The following UPRT variants were observed in gnomAD, a reference collection of about 807,000 sequenced individuals.
The protein encoded by UPRT is uracil phosphoribosyltransferase homolog.
UPRT carries 5 observed loss-of-function variants against 22.6 expected under a neutral mutation model. The observed-to-expected ratio is 0.22, with a 90% CI of 0.12 to 0.47. UPRT has a LOEUF of 0.47. Ranked by LOEUF, UPRT falls within the 20% of genes least tolerant of loss-of-function variation. The probability of loss-of-function intolerance (pLI) is 0.99; values close to 1 mark genes in which losing one functional copy is unlikely to be tolerated. For synonymous variants in UPRT, 77 were observed against 87.7 expected, an observed-to-expected ratio of 0.88 and a Z score of 0.68; for missense variants, 181 against 239.9, an observed-to-expected ratio of 0.75 and a Z score of 1.62.
chrX:75,193,869 C>T (rs1327312464), intron 4 of UPRT, among the ~76,000 whole-genome samples: 3 of 111,380 alleles, frequency 2.7e-5, no homozygotes, highest in African/African-American at 9.8e-5. Context: ...TTATTATAAT[C>T]CCTAGATTCC....
At chrX:75,245,389 C>T (rs185850863) in intron 4 of UPRT, among the ~76,000 whole-genome samples, 1 of 111,300 alleles carries the variant, frequency 9.0e-6, no homozygotes, top group East Asian at 2.8e-4. Flanking sequence ...TTGGTGAGTT[C>T]TCGAATAAGT....
At chrX:75,188,845 G>A (rs937795895) in intron 4 of UPRT, among the ~76,000 whole-genome samples, 10 of 111,753 alleles carry the variant, frequency 8.9e-5, no homozygotes, top group East Asian at 2.8e-4. Flanking sequence ...GACCCCCTTC[G>A]CTTCCCGAGT....
intron 4 of UPRT, among the ~76,000 whole-genome samples, chrX:75,251,871 C>T (rs1456587862): frequency 2.7e-5 from 3 of 110,436 alleles, no homozygotes; most frequent in Non-Finnish European, 5.7e-5. Context: ...GAGATATAGA[C>T]CAATGGAACA....
intron 4 of UPRT, among the ~76,000 whole-genome samples, chrX:75,264,793 T>C (rs1402863401): frequency 8.9e-6 from 1 of 112,049 alleles, no homozygotes; most frequent in Non-Finnish European, 1.9e-5. Context: ...CTCGATGGTC[T>C]CTACAGTTTG....
intron 4 of UPRT, among the ~76,000 whole-genome samples, chrX:75,205,839 G>A: frequency 9.0e-6 from 1 of 111,559 alleles, no homozygotes; most frequent in Non-Finnish European, 1.9e-5. Flanking sequence ...TACATAAGGG[G>A]GAGCAGATAC....
chrX:75,190,144 C>T (rs1278060493), intron 4 of UPRT, among the ~76,000 whole-genome samples: 1 of 111,934 alleles, frequency 8.9e-6, no homozygotes, highest in Non-Finnish European at 1.9e-5. Context: ...TTTAGTGCTT[C>T]CTTCAGGAGC....
intron 4 of UPRT, among the ~76,000 whole-genome samples, chrX:75,177,063 T>C (rs1172377955): frequency 9.0e-6 from 1 of 111,331 alleles, no homozygotes; most frequent in Non-Finnish European, 1.9e-5. Flanking sequence ...AAACCGCCCA[T>C]GGTTTTGGTT....
At chrX:75,249,126 C>T (rs1448804371) in intron 4 of UPRT, among the ~76,000 whole-genome samples, 2 of 111,225 alleles carry the variant, frequency 1.8e-5, no homozygotes, top group African/African-American at 6.5e-5. Flanking sequence ...TAAAGACCGT[C>T]AAGTCTAGGA....
chrX:75,297,738 T>G, intron 4 of UPRT, 185 bp downstream of exon 4: 1 of 485,306 alleles, frequency 2.1e-6, no homozygotes, highest in Non-Finnish European at 3.5e-6. Flanking sequence ...TTGGCTAATT[T>G]TAACTACAGA....
chrX:75,250,603 T>A (rs985298969), intron 4 of UPRT, among the ~76,000 whole-genome samples: 26 of 111,026 alleles, frequency 2.3e-4, no homozygotes, highest in Admixed American at 2.0e-3. Context: ...CAGGACCAGA[T>A]GGATTCACAG....
At chrX:75,218,592 T>C (rs1316287312) in intron 4 of UPRT, among the ~76,000 whole-genome samples, 17 of 97,945 alleles carry the variant, frequency 1.7e-4, no homozygotes, top group Non-Finnish European at 3.3e-4. Flanking sequence ...TGCACACGTA[T>C]GTTTATTGCG....
At chrX:75,294,597 AC>A (rs1377539984) in intron 2 of UPRT, 1 of 987,931 alleles carries the variant, frequency 1.0e-6, no homozygotes, top group South Asian at 2.0e-5. Context: ...AAGAGCATAG[AC>A]AACTCCTGTT....
At chrX:75,240,219 C>T (rs1244133226) in intron 4 of UPRT, among the ~76,000 whole-genome samples, 1 of 110,814 alleles carries the variant, frequency 9.0e-6, no homozygotes, top group Non-Finnish European at 1.9e-5. Context: ...CCAAAAAGCT[C>T]AGAGACCCGA....
At chrX:75,246,832 T>A (rs1479584060) in intron 4 of UPRT, among the ~76,000 whole-genome samples, 1 of 111,890 alleles carries the variant, frequency 8.9e-6, no homozygotes, top group Non-Finnish European at 1.9e-5. Context: ...GTGGTTTTCA[T>A]TTGCATTTCT....
intron 4 of UPRT, among the ~76,000 whole-genome samples, chrX:75,210,869 G>C (rs2082378656): frequency 9.0e-6 from 1 of 111,194 alleles, no homozygotes; most frequent in African/African-American, 3.3e-5. Flanking sequence ...AAGTTTTTTA[G>C]ATTATGTTGA....
chrX:75,259,799 A>G (rs2082561872), intron 4 of UPRT, among the ~76,000 whole-genome samples: 1 of 110,357 alleles, frequency 9.1e-6, no homozygotes, highest in Non-Finnish European at 1.9e-5. Context: ...CCCAAGACAC[A>G]TAATAGATTC....
At chrX:75,166,430 G>A (rs899309853) in intron 3 of UPRT, among the ~76,000 whole-genome samples, 1 of 111,346 alleles carries the variant, frequency 9.0e-6, no homozygotes, top group African/African-American at 3.3e-5. Context: ...AGAGAAAGTC[G>A]GACAAACTAC....
At chrX:75,230,135 C>T (rs982241098) in intron 4 of UPRT, among the ~76,000 whole-genome samples, 5 of 111,518 alleles carry the variant, frequency 4.5e-5, no homozygotes, top group African/African-American at 9.8e-5. Context: ...CTGTCACTGC[C>T]GGCTTTCCTC....
intron 4 of UPRT, among the ~76,000 whole-genome samples, chrX:75,185,497 C>G (rs2082286821): frequency 9.0e-6 from 1 of 111,614 alleles, no homozygotes; most frequent in Non-Finnish European, 1.9e-5. Context: ...TTGGTTGTGT[C>G]TCTGTCTGGC....
Sources: gnomAD v4.1 joint callset for allele counts (sites outside exome capture counted in the v4.1 genomes callset) on GRCh38, gnomAD v4.1.1 for gene constraint, MANE v1.5 for transcripts, NCBI Gene and HGNC (gene_info 2026-07-23, HGNC 2026-07-21) for gene names.